SEH1L: variants seen among roughly 807,000 people sequenced by gnomAD.
SEH1L encodes SEH1 like nucleoporin, also known as nucleoporin SEH1.
Under a neutral mutation model 49.5 loss-of-function variants are expected in SEH1L, and 18 were observed. That is an observed-to-expected ratio of 0.36 (90% CI 0.25 to 0.54). The LOEUF is 0.54. SEH1L is among the 20% of genes least tolerant of loss of function. The probability of loss-of-function intolerance (pLI) is 0.87; values close to 1 mark genes in which losing one functional copy is unlikely to be tolerated. For synonymous variants in SEH1L, 169 were observed against 178.1 expected (o/e 0.95, Z 0.41); for missense variants, 404 against 528.8 (o/e 0.76, Z 2.31).
intron 8 of SEH1L, chr18:12,984,865 C>G (rs1853250988): frequency 6.1e-6 from 1 of 163,438 alleles, no homozygotes; most frequent in Admixed American, 6.4e-5. Context: ...AAAACACAGC[C>G]TAATGAATTG....
At chr18:12,986,222 T>C in intron 8 of SEH1L, 1 of 985,448 alleles carries the variant, frequency 1.0e-6, no homozygotes, top group Non-Finnish European at 1.2e-6. Context: ...TATTTAAGTT[T>C]GCTAATATGC....
At chr18:12,970,996 G>A (rs1364094326) in intron 4 of SEH1L, among the ~76,000 whole-genome samples, 157 bp from the exon 5 acceptor site, 4 of 152,194 alleles carry the variant, frequency 2.6e-5, no homozygotes, top group African/African-American at 9.7e-5. Flanking sequence ...CATACTTGCA[G>A]TGTGGCCATG....
intron 6 of SEH1L, among the ~76,000 whole-genome samples, chr18:12,979,934 C>G (rs1424988140): frequency 9.1e-5 from 12 of 131,464 alleles, no homozygotes; most frequent in Non-Finnish European, 1.6e-4. Flanking sequence ...CTCCTCACTT[C>G]CCAGTAGGGG....
intron 3 of SEH1L, among the ~76,000 whole-genome samples, chr18:12,960,019 G>T (rs967497390): frequency 1.3e-5 from 2 of 152,326 alleles, no homozygotes; most frequent in Non-Finnish European, 2.9e-5. Context: ...ACTAGATCTA[G>T]TAAGGGAGGG....
rs2032030345 is a variant in SEH1L at position 12,978,740 on chromosome 18, T to A, written c.621-12T>A. 17 of 1,600,198 alleles carry A rather than the reference T, an allele frequency of 1.1e-5. No individual in the cohort carries two copies. Among genetic ancestry groups the A allele is most frequent in the Non-Finnish European group, 1.4e-5 (16 of 1,172,030 alleles). ...ATTTCTAAAATGTTAATGTCAATTGTTTTTCCATTAGGAAATATGCAAAAG... is the reference window on the plus strand; with the variant it reads ...ATTTCTAAAATGTTAATGTCAATTGATTTTCCATTAGGAAATATGCAAAAG... On this transcript the variant is annotated splice_polypyrimidine_tract_variant and intron_variant, in intron 5 of 8. Coordinates refer to ENST00000399892, the MANE Select transcript of SEH1L (RefSeq NM_001013437.2).
At chr18:12,978,993 T>C (rs983384652) in intron 6 of SEH1L, 101 bp downstream of exon 6, 4 of 1,110,392 alleles carry the variant, frequency 3.6e-6, no homozygotes, top group Non-Finnish European at 5.2e-6. Context: ...TGGTTTATAT[T>C]TCTGCTCTGG....
At chr18:12,957,875 T>C (rs1568212751) in intron 3 of SEH1L, among the ~76,000 whole-genome samples, 1 of 151,934 alleles carries the variant, frequency 6.6e-6, no homozygotes, top group Non-Finnish European at 1.5e-5. Context: ...CACCACAGGC[T>C]GATTTTTTTA....
At chr18:12,950,705 C>T (rs2030468281) in intron 1 of SEH1L, among the ~76,000 whole-genome samples, 2 of 152,150 alleles carry the variant, frequency 1.3e-5, no homozygotes, top group Non-Finnish European at 2.9e-5. Flanking sequence ...CAGGTCGTAC[C>T]GTTTTATACC....
At chr18:12,955,676 G>C in intron 3 of SEH1L, 67 bp downstream of exon 3, 1 of 1,525,232 alleles carries the variant, frequency 6.6e-7, no homozygotes, top group Non-Finnish European at 9.0e-7. Flanking sequence ...TCATCCGAAG[G>C]CTACCTCAGA....
chr18:12,986,144 T>C, intron 8 of SEH1L: 2 of 984,702 alleles, frequency 2.0e-6, no homozygotes, highest in South Asian at 4.7e-5. Context: ...AAGATTTTCT[T>C]AATTTAGTTC....
chr18:12,949,496 A>G (rs1030847505), intron 1 of SEH1L, among the ~76,000 whole-genome samples: 5 of 105,992 alleles, frequency 4.7e-5, no homozygotes, highest in Non-Finnish European at 8.5e-5. Context: ...TCTGTCACCC[A>G]GGCTGGAGTG....
At chr18:12,979,325 C>T (rs1416462178) in intron 6 of SEH1L, among the ~76,000 whole-genome samples, 1 of 149,924 alleles carries the variant, frequency 6.7e-6, no homozygotes, top group East Asian at 1.9e-4. Flanking sequence ...CTTGCACCAC[C>T]CTTAATCCAT....
At chr18:12,948,909 G>C (rs1246922490) in intron 1 of SEH1L, 1 of 149,768 alleles carries the variant, frequency 6.7e-6, no homozygotes, top group Non-Finnish European at 1.5e-5. Flanking sequence ...GAGTGCAATG[G>C]CACGATCTCG....
chr18:12,964,259 C>T (rs1168077829), intron 4 of SEH1L, among the ~76,000 whole-genome samples: 1 of 152,070 alleles, frequency 6.6e-6, no homozygotes, highest in Non-Finnish European at 1.5e-5. Flanking sequence ...GGTAAAGTTC[C>T]TTTACCCCCT....
intron 4 of SEH1L, among the ~76,000 whole-genome samples, chr18:12,968,084 C>T (rs985384824): frequency 6.6e-6 from 1 of 152,112 alleles, no homozygotes; most frequent in Admixed American, 6.6e-5. Flanking sequence ...TTATCTTCTG[C>T]GCCACTTGTT....
chr18:12,982,720 C>T (rs1471811332), intron 7 of SEH1L, 45 bp downstream of exon 7: 10 of 1,416,868 alleles, frequency 7.1e-6, no homozygotes, highest in South Asian at 1.4e-5. Context: ...TATTTCTGCT[C>T]TGCAATTTTT....
At chr18:12,974,998 ATT>A (rs200167127) in intron 5 of SEH1L, among the ~76,000 whole-genome samples, 1 of 146,958 alleles carries the variant, frequency 6.8e-6, no homozygotes. Context: ...TTTTTATTTT[ATT>A]TTTTTTTTTG....
intron 5 of SEH1L, among the ~76,000 whole-genome samples, chr18:12,975,138 A>G (rs1324632828): frequency 6.6e-6 from 1 of 151,878 alleles, no homozygotes; most frequent in Non-Finnish European, 1.5e-5. Flanking sequence ...GATCACAGGC[A>G]TGTGCCACCA....
intron 6 of SEH1L, among the ~76,000 whole-genome samples, chr18:12,980,025 A>G (rs1174317904): frequency 1.9e-5 from 2 of 105,558 alleles, no homozygotes; most frequent in South Asian, 3.7e-4. Flanking sequence ...TCCCTCCCGG[A>G]CGGGCGGCTG....
Sources: allele counts gnomAD v4.1 joint callset (sites outside exome capture counted in the v4.1 genomes callset), GRCh38; gene constraint gnomAD v4.1.1; transcripts MANE v1.5; gene names NCBI Gene and HGNC (gene_info 2026-07-23, HGNC 2026-07-21).